The following AK9 variants were observed in gnomAD, a reference collection of about 807,000 sequenced individuals.
The protein encoded by AK9 is adenylate kinase domain containing 1.
AK9 carries 191 observed loss-of-function variants against 239.6 expected under a neutral mutation model. That is an observed-to-expected ratio of 0.80 (90% CI 0.71 to 0.90). AK9 has a LOEUF of 0.90. AK9 is among the 40% of genes least tolerant of loss of function. The pLI is 0.00. For synonymous variants in AK9, 689 were observed against 721.0 expected (o/e 0.96, Z 0.71); for missense variants, 1,995 against 2,214.7 (o/e 0.90, Z 1.99).
At chr6:109,570,504 C>A (rs942402213) in intron 21 of AK9, among the ~76,000 whole-genome samples, 23 of 151,974 alleles carry the variant, frequency 1.5e-4, no homozygotes, top group African/African-American at 5.1e-4. Flanking sequence ...TGCTAAAACC[C>A]CAGACTTCAC....
chr6:109,608,716 A>G (rs552974305), intron 17 of AK9, among the ~76,000 whole-genome samples: 1 of 152,318 alleles, frequency 6.6e-6, no homozygotes, highest in South Asian at 2.1e-4. Flanking sequence ...GAAAGGAAAA[A>G]TTAATAAATT....
chr6:109,495,953 G>A lies in AK9; in HGVS notation c.5316-513C>T, dbSNP rs1776987249. On this transcript the variant is annotated intron_variant, in intron 38 of 40. Transcript: ENST00000424296. ...CTTATTGGGTCCTTCCTGTGCATAT[G>A]CATTTAAACATCTTCATAATTCCCC... 2.0e-5 allele frequency among the ~76,000 whole-genome samples: 3 copies of A among 150,938 alleles called. No individual in the cohort carries two copies. In the South Asian group the frequency reaches 6.2e-4, roughly 31 times the overall value.
chr6:109,569,694 G>T (rs1787131648), intron 21 of AK9, among the ~76,000 whole-genome samples: 1 of 152,120 alleles, frequency 6.6e-6, no homozygotes, highest in Non-Finnish European at 1.5e-5. Context: ...CATTATTACT[G>T]GCCGTCAGAG....
rs559166439 is a variant in AK9 at position 109,678,762 on chromosome 6, C to T, written c.-11-3006G>A. Among the ~76,000 whole-genome samples the T allele has an allele frequency of 5.9e-5, 9 of 152,224 alleles. No individual in the cohort carries two copies. The South Asian group carries it at 1.9e-3, about 32-fold the overall frequency. On this transcript the variant is annotated intron_variant, in intron 1 of 40. Transcript: ENST00000424296. The stretch of plus-strand genomic sequence containing the variant: ...GCATTTGCAACTGAGGTACCCAGCT[C>T]ATCTCACTGGGACTGGTTAGACAGT...
At chr6:109,628,922 C>T (rs1056481506) in intron 12 of AK9, among the ~76,000 whole-genome samples, 4 of 150,606 alleles carry the variant, frequency 2.7e-5, no homozygotes, top group African/African-American at 4.9e-5. Flanking sequence ...TTAAAAAAAA[C>T]AAAGGCCTTG....
rs775178736 is a variant in AK9 at position 109,528,982 on chromosome 6, GTTT to G, written c.3633+26_3633+28del. The G allele has an allele frequency of 3.3e-5, 51 of 1,529,000 alleles. No homozygotes were observed. In the South Asian group the frequency reaches 5.7e-4, roughly 17 times the overall value. The allele number at this position is 1,529,000 out of a possible 1,614,324, so 94.7% of individuals were successfully genotyped here. On this transcript the variant is annotated intron_variant, in intron 29 of 40. Coordinates refer to ENST00000424296, the MANE Select transcript of AK9 (RefSeq NM_001145128.3). Reference sequence around the variant, plus strand: ...GCCCTGGGCAACAGAGTGAGACCCTGTTTTGAAAAAAAAAACAAAACTACTTAC... The same window carrying G: ...GCCCTGGGCAACAGAGTGAGACCCTGTGAAAAAAAAAACAAAACTACTTAC...
chr6:109,524,686 C>T (rs1780248910), intron 29 of AK9, among the ~76,000 whole-genome samples: 1 of 152,038 alleles, frequency 6.6e-6, no homozygotes, highest in Admixed American at 6.6e-5. Flanking sequence ...GCTTACTTTC[C>T]TATTAATTTT....
At chr6:109,646,380 C>G (rs1798064606) in intron 8 of AK9, among the ~76,000 whole-genome samples, 1 of 152,054 alleles carries the variant, frequency 6.6e-6, no homozygotes, top group Non-Finnish European at 1.5e-5. Flanking sequence ...CTAGAATAAA[C>G]AGGGTAGACA....
intron 17 of AK9, among the ~76,000 whole-genome samples, chr6:109,597,854 T>G (rs898469640): frequency 6.6e-6 from 1 of 151,970 alleles, no homozygotes; most frequent in Non-Finnish European, 1.5e-5. Context: ...AAAGTACAAC[T>G]TGGAAGAGGG....
intron 29 of AK9, among the ~76,000 whole-genome samples, chr6:109,520,085 T>C (rs1421036298): frequency 6.6e-6 from 1 of 152,196 alleles, no homozygotes; most frequent in Admixed American, 6.5e-5. Context: ...TCTTTTGCTG[T>C]GCAGAAGCTC....
At chr6:109,514,152 G>T in intron 32 of AK9, 72 bp downstream of exon 32, 2 of 1,369,848 alleles carry the variant, frequency 1.5e-6, no homozygotes, top group South Asian at 1.4e-5. Flanking sequence ...TTGGTGAATT[G>T]ACCTGCCATG....
At chr6:109,610,258 C>A in intron 17 of AK9, 107 bp downstream of exon 17, 1 of 1,356,382 alleles carries the variant, frequency 7.4e-7, no homozygotes, top group Non-Finnish European at 1.0e-6. Flanking sequence ...TTGAAGGCTA[C>A]AAATTTCAAC....
chr6:109,592,469 C>T (rs1204279015), intron 17 of AK9, among the ~76,000 whole-genome samples: 5 of 103,772 alleles, frequency 4.8e-5, no homozygotes, highest in South Asian at 3.4e-4. Context: ...TTTTTTGAGA[C>T]GGAGTCTCGC....
chr6:109,627,382 C>T (rs759205658), intron 12 of AK9, among the ~76,000 whole-genome samples: 1 of 152,110 alleles, frequency 6.6e-6, no homozygotes, highest in Non-Finnish European at 1.5e-5. Context: ...ATTAAAAGTA[C>T]AGTATTGTAA....
At chr6:109,579,383 T>C in intron 20 of AK9, 167 bp downstream of exon 20, 1 of 591,964 alleles carries the variant, frequency 1.7e-6, no homozygotes, top group Non-Finnish European at 3.0e-6. Flanking sequence ...TGGAACACTT[T>C]AAGAATAAAA....
chr6:109,576,848 T>G (rs928093892), intron 20 of AK9, among the ~76,000 whole-genome samples: 9 of 151,384 alleles, frequency 5.9e-5, no homozygotes, highest in African/African-American at 2.2e-4. Context: ...TTTTTTTTTT[T>G]GAGACAGACT....
At chr6:109,519,922 AC>A (rs1178676933) in intron 29 of AK9, among the ~76,000 whole-genome samples, 1 of 152,158 alleles carries the variant, frequency 6.6e-6, no homozygotes, top group Non-Finnish European at 1.5e-5. Flanking sequence ...GTCTGTTCAC[AC>A]CTTTTGCCCA....
chr6:109,612,072 G>A lies in AK9; in HGVS notation c.1631C>T (p.Thr544Ile), dbSNP rs774897634. The change falls in exon 16 of 41, where the codon ACA (threonine) becomes ATA (isoleucine). Residue 544 changes from threonine (T) to isoleucine (I), a missense_variant. Coordinates refer to ENST00000424296, the MANE Select transcript of AK9 (RefSeq NM_001145128.3). ...TTGAGAATGCCTTTTAAATGTGAAT[G>A]TTTCACCAGTTTCTTTTCCATCTGT... ...DKDDGKETGE[T>I]FTFKRHSQDA... The A allele has an allele frequency of 4.7e-5, 73 of 1,539,090 alleles. No individual in the cohort carries two copies. Among genetic ancestry groups the A allele is most frequent in the Non-Finnish European group, 5.8e-5 (66 of 1,141,602 alleles).
intron 29 of AK9, among the ~76,000 whole-genome samples, chr6:109,519,924 C>T (rs1779664751): frequency 6.6e-6 from 1 of 152,128 alleles, no homozygotes; most frequent in African/African-American, 2.4e-5. Flanking sequence ...CTGTTCACAC[C>T]TTTTGCCCAC....
Sources: gnomAD v4.1 joint callset for allele counts (sites outside exome capture counted in the v4.1 genomes callset) on GRCh38, gnomAD v4.1.1 for gene constraint, MANE v1.5 for transcripts, NCBI Gene and HGNC (gene_info 2026-07-23, HGNC 2026-07-21) for gene names.